LYPLAL1: variants seen among roughly 807,000 people sequenced by gnomAD.
LYPLAL1 encodes the protein lysophospholipase like 1.
LYPLAL1 carries 23 observed loss-of-function variants against 19.7 expected under a neutral mutation model. The observed-to-expected ratio is 1.17, with a 90% confidence interval of 0.84 to 1.65. The LOEUF is 1.65. Ranked by LOEUF, LYPLAL1 falls within the 40% of genes most tolerant of loss-of-function variation. The pLI, the probability that LYPLAL1 is intolerant of heterozygous loss-of-function variation, is 0.00. For missense variants in LYPLAL1, 355 were observed against 279.4 expected (o/e 1.27, Z -1.93); for synonymous variants, 119 against 96.3 (o/e 1.24, Z -1.38).
At chr1:219,325,381 A>G in the LYPLAL1 span, among the ~76,000 whole-genome samples, 1 of 152,140 alleles carries the variant, frequency 6.6e-6, no homozygotes, top group Non-Finnish European at 1.5e-5. Context: ...AGAAATTTTG[A>G]GACATTGTCT....
the LYPLAL1 span, among the ~76,000 whole-genome samples, chr1:219,320,169 A>G: frequency 6.6e-6 from 1 of 152,146 alleles, no homozygotes; most frequent in African/African-American, 2.4e-5. Flanking sequence ...TCTCCGTCCC[A>G]TGTTTTCTTT....
At chr1:219,229,400 AGGG>A in the LYPLAL1 span, among the ~76,000 whole-genome samples, 1 of 149,932 alleles carries the variant, frequency 6.7e-6, no homozygotes, top group Non-Finnish European at 1.5e-5. Context: ...GAGGAAGGAC[AGGG>A]AGTGGCCTGA....
chr1:219,431,171 A>C, the LYPLAL1 span, among the ~76,000 whole-genome samples: 1 of 152,174 alleles, frequency 6.6e-6, no homozygotes, highest in Non-Finnish European at 1.5e-5. Context: ...ACACAGTATG[A>C]AGGATGGTTA....
At chr1:219,368,134 CT>C in the LYPLAL1 span, among the ~76,000 whole-genome samples, 1 of 152,022 alleles carries the variant, frequency 6.6e-6, no homozygotes, top group Non-Finnish European at 1.5e-5. Context: ...GGAAGGTATT[CT>C]TTATTTCAGG....
At chr1:219,221,502 T>G in the LYPLAL1 span, among the ~76,000 whole-genome samples, 1 of 152,190 alleles carries the variant, frequency 6.6e-6, no homozygotes, top group Non-Finnish European at 1.5e-5. Flanking sequence ...TTGCCAAAAC[T>G]GAAATATCAA....
chr1:219,229,744 G>T, the LYPLAL1 span, among the ~76,000 whole-genome samples: 1 of 152,184 alleles, frequency 6.6e-6, no homozygotes, highest in Non-Finnish European at 1.5e-5. Flanking sequence ...TCTCCTAGAG[G>T]TTTGAGCAGT....
the LYPLAL1 span, among the ~76,000 whole-genome samples, chr1:219,423,452 G>C: frequency 6.6e-6 from 1 of 152,144 alleles, no homozygotes; most frequent in Non-Finnish European, 1.5e-5. Flanking sequence ...GCAGTAGATT[G>C]AACACAGGCA....
the LYPLAL1 span, among the ~76,000 whole-genome samples, chr1:219,229,441 G>A: frequency 5.3e-5 from 8 of 151,948 alleles, no homozygotes; most frequent in African/African-American, 1.9e-4. Flanking sequence ...CTCTCTTCTG[G>A]CTCCCCCATC....
the LYPLAL1 span, among the ~76,000 whole-genome samples, chr1:219,243,701 C>T: frequency 6.6e-6 from 1 of 151,996 alleles, no homozygotes; most frequent in Admixed American, 6.6e-5. Context: ...GGGTGGATCA[C>T]CTGAGGTCAG....
the LYPLAL1 span, among the ~76,000 whole-genome samples, chr1:219,399,222 G>A: frequency 6.6e-6 from 1 of 152,176 alleles, no homozygotes; most frequent in Non-Finnish European, 1.5e-5. Flanking sequence ...AGAGGCATTG[G>A]CACAGGGTTG....
At chr1:219,346,174 G>A in the LYPLAL1 span, among the ~76,000 whole-genome samples, 1 of 152,176 alleles carries the variant, frequency 6.6e-6, no homozygotes, top group Non-Finnish European at 1.5e-5. Context: ...AAGGAGATGA[G>A]AGATCAGTCT....
At chr1:219,398,142 T>C in the LYPLAL1 span, among the ~76,000 whole-genome samples, 6 of 152,212 alleles carry the variant, frequency 3.9e-5, no homozygotes, top group African/African-American at 1.4e-4. Flanking sequence ...TCCTGAAATA[T>C]GTTTTGCAAG....
downstream of LYPLAL1, among the ~76,000 whole-genome samples, chr1:219,216,689 C>G (rs1309578761): frequency 6.6e-6 from 1 of 152,038 alleles, no homozygotes; most frequent in Non-Finnish European, 1.5e-5. Flanking sequence ...GCGGGGGCAC[C>G]TCTGCAGATC....
At chr1:219,324,338 C>T in the LYPLAL1 span, among the ~76,000 whole-genome samples, 6 of 152,184 alleles carry the variant, frequency 3.9e-5, no homozygotes, top group African/African-American at 7.2e-5. Flanking sequence ...ATAGAATGTT[C>T]TGAAATGCCT....
the LYPLAL1 span, among the ~76,000 whole-genome samples, chr1:219,241,579 C>G: frequency 6.6e-6 from 1 of 152,086 alleles, no homozygotes; most frequent in Non-Finnish European, 1.5e-5. Flanking sequence ...GTTAAGACTT[C>G]TGAGCCACAT....
chr1:219,431,935 A>T, the LYPLAL1 span, among the ~76,000 whole-genome samples: 1 of 152,200 alleles, frequency 6.6e-6, no homozygotes, highest in Non-Finnish European at 1.5e-5. Context: ...CGATCTCAGC[A>T]ATACGATTGA....
chr1:219,174,744 C>G (rs1655671847), intron 1 of LYPLAL1, among the ~76,000 whole-genome samples: 1 of 152,190 alleles, frequency 6.6e-6, no homozygotes, highest in East Asian at 1.9e-4. Flanking sequence ...TTGTGTCAAC[C>G]TTTGCACCCC....
the LYPLAL1 span, among the ~76,000 whole-genome samples, chr1:219,268,133 T>C: frequency 6.6e-6 from 1 of 152,166 alleles, no homozygotes; most frequent in African/African-American, 2.4e-5. Context: ...GTGGAGCTTA[T>C]ATTCTAGTGT....
chr1:219,249,978 ACT>A, the LYPLAL1 span, among the ~76,000 whole-genome samples: 1 of 151,326 alleles, frequency 6.6e-6, no homozygotes, highest in African/African-American at 2.4e-5. Flanking sequence ...TTGCTTTTTC[ACT>A]CTCTTTGTGG....
Sources: gnomAD v4.1 joint callset for allele counts (sites outside exome capture counted in the v4.1 genomes callset) on GRCh38, gnomAD v4.1.1 for gene constraint, MANE v1.5 for transcripts, NCBI Gene and HGNC (gene_info 2026-07-23, HGNC 2026-07-21) for gene names.